The following AQR variants were observed in gnomAD, a reference collection of about 807,000 sequenced individuals.
The protein encoded by AQR is RNA helicase aquarius.
AQR carries 61 observed loss-of-function variants against 180.5 expected under a neutral mutation model. The ratio of observed to expected loss-of-function variants is 0.34; its 90% CI spans 0.28 to 0.42. The LOEUF is 0.42. AQR is among the 10% of genes least tolerant of loss of function. The probability of loss-of-function intolerance (pLI) is 1.00; values close to 1 mark genes in which losing one functional copy is unlikely to be tolerated. For synonymous variants in AQR, 551 were observed against 588.8 expected (o/e 0.94, Z 0.93); for missense variants, 1,281 against 1,798.3 (o/e 0.71, Z 5.20).
At chr15:34,953,530 A>G (rs2140504346) in intron 3 of AQR, among the ~76,000 whole-genome samples, 1 of 152,308 alleles carries the variant, frequency 6.6e-6, no homozygotes, top group Middle Eastern at 3.4e-3. Flanking sequence ...ATCCTATTCC[A>G]CTGATTTCTG....
chr15:34,882,684 G>A (rs762107303), intron 26 of AQR, 45 bp from the exon 27 acceptor site: 2 of 1,572,036 alleles, frequency 1.3e-6, no homozygotes, highest in Admixed American at 1.8e-5. Flanking sequence ...GGAAAACGGA[G>A]TTTTGCACAT....
Position 34,954,463 on chromosome 15 carries a change from G to A in AQR, c.174-1543C>T, listed in dbSNP as rs1297378746. ...TGAGACTACAGGCATGTGCTACCACGTCCAGCTAATTTTTTTGATTTTTAG... is the reference window on the plus strand; with the variant it reads ...TGAGACTACAGGCATGTGCTACCACATCCAGCTAATTTTTTTGATTTTTAG... On this transcript the variant is annotated intron_variant, in intron 3 of 34. Coordinates refer to ENST00000156471, the MANE Select transcript of AQR (RefSeq NM_014691.3). Among the ~76,000 whole-genome samples, 7 of 151,918 alleles carry A rather than the reference G, an allele frequency of 4.6e-5. No individual in the cohort carries two copies. In the East Asian group the frequency reaches 5.8e-4, roughly 13 times the overall value.
chr15:34,906,380 TA>T, intron 18 of AQR, 164 bp downstream of exon 18: 1 of 734,056 alleles, frequency 1.4e-6, no homozygotes, highest in Non-Finnish European at 2.1e-6. Context: ...TACCTATATC[TA>T]AAACTGCACG....
chr15:34,858,320 CAAAA>C (rs57627687), intron 34 of AQR, among the ~76,000 whole-genome samples: 24 of 86,058 alleles, frequency 2.8e-4, no homozygotes, highest in East Asian at 2.6e-3. Context: ...ACGACAGCAG[CAAAA>C]AAAAAAAAAA....
rs1434329460 is a variant in AQR, at chr15:34,944,281, A to C, written c.471+7T>G. 6.4e-7 allele frequency: 1 copy of C among 1,574,314 alleles called. No homozygotes were observed. The highest frequency in any genetic ancestry group is 8.6e-7 in the Non-Finnish European group (1 of 1,166,026). On this transcript the variant is annotated splice_region_variant and intron_variant, in intron 6 of 34. Coordinates refer to ENST00000156471, the MANE Select transcript of AQR (RefSeq NM_014691.3). ...GAAAATTACCCCAAAATATAAAGTA[A>C]AAGTACCAAACTATTGAAGCAATGA...
intron 13 of AQR, among the ~76,000 whole-genome samples, chr15:34,926,765 A>T (rs1194625715): frequency 2.0e-5 from 3 of 152,212 alleles, no homozygotes; most frequent in African/African-American, 7.2e-5. Flanking sequence ...ATGACTGATG[A>T]GATTGACCAG....
At chr15:34,879,666 G>T (rs1419702540) in intron 27 of AQR, among the ~76,000 whole-genome samples, 1 of 152,054 alleles carries the variant, frequency 6.6e-6, no homozygotes, top group Non-Finnish European at 1.5e-5. Flanking sequence ...GCACTGAGCA[G>T]CGAGCCCCTT....
intron 17 of AQR, 55 bp from the exon 18 acceptor site, chr15:34,906,767 T>C: frequency 6.4e-7 from 1 of 1,551,234 alleles, no homozygotes; most frequent in Non-Finnish European, 8.7e-7. Flanking sequence ...TTTCAGTCTT[T>C]TGTAGGCAAA....
intron 12 of AQR, among the ~76,000 whole-genome samples, chr15:34,929,905 A>AT (rs1893825931): frequency 6.6e-6 from 1 of 152,194 alleles, no homozygotes; most frequent in African/African-American, 2.4e-5. Flanking sequence ...CAGTCCCATC[A>AT]TATGTGTTCA....
At chr15:34,963,672 T>C (rs28499040) in intron 2 of AQR, among the ~76,000 whole-genome samples, 4 of 144,668 alleles carry the variant, frequency 2.8e-5, no homozygotes, top group East Asian at 2.0e-4. Flanking sequence ...TTTTTTTTTT[T>C]CTTTTTTTTG....
chr15:34,931,423 T>A (rs886276956), intron 11 of AQR, among the ~76,000 whole-genome samples: 2 of 152,146 alleles, frequency 1.3e-5, no homozygotes, highest in Non-Finnish European at 2.9e-5. Flanking sequence ...TGCTCCCAGA[T>A]ATAAAAGAAC....
intron 29 of AQR, chr15:34,874,365 T>A: frequency 2.9e-6 from 1 of 340,582 alleles, no homozygotes. Context: ...TTGTTCACTT[T>A]ATTTTTAGAT....
chr15:34,880,901 T>C (rs1892963515), intron 27 of AQR, among the ~76,000 whole-genome samples: 1 of 152,122 alleles, frequency 6.6e-6, no homozygotes, highest in South Asian at 2.1e-4. Flanking sequence ...CTGCCTTTTT[T>C]TGTTAAGTGG....
chr15:34,876,650 C>G (rs1227741053), intron 27 of AQR, among the ~76,000 whole-genome samples: 2 of 152,134 alleles, frequency 1.3e-5, no homozygotes, highest in Non-Finnish European at 2.9e-5. Context: ...TATACAACTC[C>G]TTATTTCAAA....
chr15:34,881,655 T>C (rs914343487), intron 27 of AQR, among the ~76,000 whole-genome samples: 1 of 152,228 alleles, frequency 6.6e-6, no homozygotes, highest in African/African-American at 2.4e-5. Flanking sequence ...ACCATTTTAA[T>C]ATCTCATTTT....
chr15:34,954,472 A>AT (rs1286788091), intron 3 of AQR, among the ~76,000 whole-genome samples: 1 of 151,700 alleles, frequency 6.6e-6, no homozygotes, highest in Non-Finnish European at 1.5e-5. Context: ...CGTCCAGCTA[A>AT]TTTTTTTGAT....
intron 11 of AQR, 34 bp from the exon 12 acceptor site, chr15:34,930,405 G>C (rs753330134): frequency 9.1e-6 from 11 of 1,207,066 alleles, no homozygotes; most frequent in Non-Finnish European, 1.3e-5. Flanking sequence ...TAAATCATAT[G>C]AACATAAGGG....
chr15:34,952,771 T>C, intron 4 of AQR, 114 bp downstream of exon 4: 1 of 748,352 alleles, frequency 1.3e-6, no homozygotes. Flanking sequence ...ATCACAGAAA[T>C]ATAAATCTTC....
In AQR at chr15:34,871,724, C is replaced by T. The variant is rs114562513; in HGVS notation, c.3598-802G>A. Among the ~76,000 whole-genome samples, 648 of 151,894 alleles carry T rather than the reference C, an allele frequency of 4.3e-3. 3 individuals are homozygous for T. Among genetic ancestry groups the T allele is most frequent in the African/African-American group, 0.015 (621 of 41,420 alleles). ...TTGTATGCTTTGTTTCTGTTCTCTGCGTAATGGTTGTCACTTCTACTAGAT... is the reference window on the plus strand; with the variant it reads ...TTGTATGCTTTGTTTCTGTTCTCTGTGTAATGGTTGTCACTTCTACTAGAT... On this transcript the variant is annotated intron_variant, in intron 30 of 34. Coordinates refer to ENST00000156471, the MANE Select transcript of AQR (RefSeq NM_014691.3).
Sources: gnomAD v4.1 joint callset for allele counts (sites outside exome capture counted in the v4.1 genomes callset) on GRCh38, gnomAD v4.1.1 for gene constraint, MANE v1.5 for transcripts, NCBI Gene and HGNC (gene_info 2026-07-23, HGNC 2026-07-21) for gene names.